PHACTR2: variants seen among roughly 807,000 people sequenced by gnomAD.
The protein encoded by PHACTR2 is phosphatase and actin regulator 2.
In PHACTR2, 30 loss-of-function variants were observed where a neutral mutation model predicts 76.0. The ratio of observed to expected loss-of-function variants is 0.39; its 90% CI spans 0.30 to 0.54. The LOEUF is 0.54. Ranked by LOEUF, PHACTR2 falls within the 20% of genes least tolerant of loss-of-function variation. The probability of loss-of-function intolerance (pLI) is 0.61; values close to 1 mark genes in which losing one functional copy is unlikely to be tolerated. For missense variants in PHACTR2, 696 were observed against 781.1 expected (o/e 0.89, Z 1.30); for synonymous variants, 292 against 292.5 (o/e 1.00, Z 0.02).
chr6:143,644,794 T>C (rs1187169647), intron 1 of PHACTR2, among the ~76,000 whole-genome samples: 2 of 152,060 alleles, frequency 1.3e-5, no homozygotes, highest in African/African-American at 4.8e-5. Context: ...ATGTTTATTT[T>C]TCATTTGCTT....
chr6:143,812,664 C>T (rs1489980032), intron 12 of PHACTR2, among the ~76,000 whole-genome samples: 1 of 152,204 alleles, frequency 6.6e-6, no homozygotes, highest in Non-Finnish European at 1.5e-5. Context: ...CATCCCGTGG[C>T]CCTATAGGTA....
In PHACTR2 at chr6:143,654,336, C is replaced by G. The variant is rs1477392814; in HGVS notation, c.13+46014C>G. On this transcript the variant is annotated intron_variant, in intron 1 of 11. Coordinates refer to the PHACTR2 transcript ENST00000305766. The surrounding 1 kb of genome is among the most constrained non-coding windows in gnomAD (Gnocchi z 4.6). ...TACCATATGAACAGCAATTCTACTT[C>G]TAGGTATATACCCAAAAAAATGAAA... 1.3e-5 allele frequency among the ~76,000 whole-genome samples: 2 copies of G among 152,160 alleles called. No individual in the cohort carries two copies. Among genetic ancestry groups the G allele is most frequent in the Non-Finnish European group, 2.9e-5 (2 of 68,040 alleles).
rs1379011920 is a variant in PHACTR2, at chr6:143,803,022, C to T, written c.1846-4035C>T. 6.6e-6 allele frequency among the ~76,000 whole-genome samples: 1 copy of T among 152,112 alleles called. No homozygotes were observed. The highest frequency in any genetic ancestry group is 2.4e-5 in the African/African-American group (1 of 41,402). Reference sequence around the variant, plus strand: ...CATCATTTCTAATTGTAAGCCAGCACACACAACATGCAGATCTGAAGCAAT... The same window carrying T: ...CATCATTTCTAATTGTAAGCCAGCATACACAACATGCAGATCTGAAGCAAT... On this transcript the variant is annotated intron_variant, in intron 11 of 12. Transcript: ENST00000440869. The surrounding 1 kb of genome is among the most constrained non-coding windows in gnomAD (Gnocchi z 4.7).
chr6:143,591,450 T>C lies in PHACTR2; in HGVS notation c.217+54243T>C, dbSNP rs9321926. On this transcript the variant is annotated intron_variant, in intron 1 of 11. Coordinates refer to the PHACTR2 transcript ENST00000367584. The surrounding 1 kb of genome is among the most constrained non-coding windows in gnomAD (Gnocchi z 6.4). The stretch of plus-strand genomic sequence containing the variant: ...TCAAGTTCCCTGTTCCACAGCTTGT[T>C]ACAGGAGCAGAGAAAGAGCATATGA... Among the ~76,000 whole-genome samples the C allele has an allele frequency of 0.43, 64,533 of 151,616 alleles. 13,997 individuals carry two copies. Among genetic ancestry groups the C allele is most frequent in the African/African-American group, 0.46 (19,094 of 41,286 alleles).
chr6:143,689,271 A>G lies in PHACTR2; in HGVS notation c.46+11062A>G, dbSNP rs948675831. Among the ~76,000 whole-genome samples the G allele has an allele frequency of 1.8e-4, 27 of 152,014 alleles. No individual in the cohort carries two copies. The highest frequency in any genetic ancestry group is 6.3e-4 in the African/African-American group (26 of 41,382). ...ATGATCTTGTTTGTTTGTTTTATTC[A>G]TTGTCTCTCTTTTCTAGAACATAAG... On this transcript the variant is annotated intron_variant, in intron 1 of 12. Coordinates refer to ENST00000440869, the MANE Select transcript of PHACTR2 (RefSeq NM_001100164.2). The surrounding 1 kb of genome is among the most constrained non-coding windows in gnomAD (Gnocchi z 4.4).
chr6:143,658,179 G>A lies in PHACTR2; in HGVS notation c.13+49857G>A, dbSNP rs1050618438. On this transcript the variant is annotated intron_variant, in intron 1 of 11. Transcript: ENST00000305766. This position sits in a 1 kb window ranked among gnomAD's most constrained non-coding sequence, Gnocchi z 4.1. The stretch of plus-strand genomic sequence containing the variant: ...ACAAGTAGAATTTCTGAGTCATAGG[G>A]TAGGTGTATGTTTAACATTACAGAA... Among the ~76,000 whole-genome samples, 3 of 152,166 alleles carry A rather than the reference G, an allele frequency of 2.0e-5. No homozygotes were observed. The highest frequency in any genetic ancestry group is 7.2e-5 in the African/African-American group (3 of 41,434).
chr6:143,712,282 T>A, intron 2 of PHACTR2, 99 bp downstream of exon 2: 6 of 688,776 alleles, frequency 8.7e-6, no homozygotes, highest in Non-Finnish European at 1.3e-5. Context: ...CAGAAAAAAA[T>A]TAATCCGTAT....
chr6:143,563,040 T>C (rs1582672858), intron 1 of PHACTR2, among the ~76,000 whole-genome samples: 1 of 152,196 alleles, frequency 6.6e-6, no homozygotes, highest in East Asian at 1.9e-4. Flanking sequence ...GATGAAAAGT[T>C]CTGGAAACAG....
intron 1 of PHACTR2, among the ~76,000 whole-genome samples, chr6:143,601,777 C>T (rs1032265414): frequency 6.6e-6 from 1 of 152,136 alleles, no homozygotes; most frequent in African/African-American, 2.4e-5. Context: ...GAAATACATT[C>T]CCACGCTTTT....
In PHACTR2 at chr6:143,809,639, A is replaced by G. The variant is rs1418543764; in HGVS notation, c.1922+2506A>G. 1.3e-5 allele frequency among the ~76,000 whole-genome samples: 2 copies of G among 152,142 alleles called. No individual in the cohort carries two copies. The highest frequency in any genetic ancestry group is 2.9e-5 in the Non-Finnish European group (2 of 68,018). ...TTCCCAACCTCATTTCTGTTCTCAC[A>G]GGTATCCACTAGTAAAAGCTTGATG... On this transcript the variant is annotated intron_variant, in intron 12 of 12. Coordinates refer to ENST00000440869, the MANE Select transcript of PHACTR2 (RefSeq NM_001100164.2). The surrounding 1 kb of genome is among the most constrained non-coding windows in gnomAD (Gnocchi z 4.2).
At chr6:143,771,206 A>ATGTGTG (rs1280992474) in intron 6 of PHACTR2, among the ~76,000 whole-genome samples, 1 of 77,120 alleles carries the variant, frequency 1.3e-5, no homozygotes, top group Non-Finnish European at 2.3e-5. Context: ...ATATATATAT[A>ATGTGTG]TATATATATA....
intron 1 of PHACTR2, among the ~76,000 whole-genome samples, chr6:143,567,309 A>G (rs544932218): frequency 3.3e-5 from 5 of 152,258 alleles, no homozygotes; most frequent in East Asian, 1.9e-4. Flanking sequence ...TCTCATTTAG[A>G]GAGAAGAGAC....
In PHACTR2 at chr6:143,784,202, T is replaced by C. The variant is rs1324127391; in HGVS notation, c.1707+922T>C. 6.6e-6 allele frequency among the ~76,000 whole-genome samples: 1 copy of C among 152,224 alleles called. No homozygotes were observed. Among genetic ancestry groups the C allele is most frequent in the African/African-American group, 2.4e-5 (1 of 41,456 alleles). ...CCACATCACAGCTGGGTAAGTAATT[T>C]ATTAAGTGAACTTGATCATCCAGCC... On this transcript the variant is annotated intron_variant, in intron 10 of 12. Transcript: ENST00000440869. This position sits in a 1 kb window ranked among gnomAD's most constrained non-coding sequence, Gnocchi z 4.5.
At position 143,592,687 on chromosome 6, in the gene PHACTR2, C is replaced by T. The variant is rs1224430105; in HGVS notation, c.217+55480C>T. ...AGCATAAATGAATTTCCTACTTAGA[C>T]TTGGGTTCCATCCCCAGTTCATTCC... On this transcript the variant is annotated intron_variant, in intron 1 of 11. Coordinates refer to the PHACTR2 transcript ENST00000367584. The surrounding 1 kb of genome is among the most constrained non-coding windows in gnomAD (Gnocchi z 4.0). 6.6e-6 allele frequency among the ~76,000 whole-genome samples: 1 copy of T among 152,066 alleles called. No homozygotes were observed. Among genetic ancestry groups the T allele is most frequent in the Non-Finnish European group, 1.5e-5 (1 of 68,006 alleles).
rs1776055939 is a variant in PHACTR2 at position 143,616,181 on chromosome 6, A to C, written c.13+7859A>C. ...CAGCTATCTCCCCAAAATTATTTTGAATTTTTTTCACATAAACCAATTTTT... is the reference window on the plus strand; with the variant it reads ...CAGCTATCTCCCCAAAATTATTTTGCATTTTTTTCACATAAACCAATTTTT... On this transcript the variant is annotated intron_variant, in intron 1 of 11. Transcript: ENST00000305766. The surrounding 1 kb of genome is among the most constrained non-coding windows in gnomAD (Gnocchi z 4.9). Among the ~76,000 whole-genome samples the C allele has an allele frequency of 6.6e-6, 1 of 152,142 alleles. No individual in the cohort carries two copies. The highest frequency in any genetic ancestry group is 6.5e-5 in the Admixed American group (1 of 15,276).
chr6:143,725,663 C>T (rs373668130), intron 2 of PHACTR2, among the ~76,000 whole-genome samples: 120 of 151,628 alleles, frequency 7.9e-4, no homozygotes, highest in Middle Eastern at 3.4e-3. Flanking sequence ...GGTGAAACCC[C>T]GTCTCTACGA....
rs968986403 is a variant in PHACTR2, at chr6:143,822,111, T to C, written c.1923-1563T>C. On this transcript the variant is annotated intron_variant, in intron 12 of 12. Coordinates refer to ENST00000440869, the MANE Select transcript of PHACTR2 (RefSeq NM_001100164.2). The surrounding 1 kb of genome is among the most constrained non-coding windows in gnomAD (Gnocchi z 5.5). Reference sequence around the variant, plus strand: ...GTATTTGGAAGCAGTGATAGAGATATAGCTAGAACCATGAGTTGGGCCACT... The same window carrying C: ...GTATTTGGAAGCAGTGATAGAGATACAGCTAGAACCATGAGTTGGGCCACT... Among the ~76,000 whole-genome samples, 7 of 152,306 alleles carry C rather than the reference T, an allele frequency of 4.6e-5. No individual in the cohort carries two copies. The highest frequency in any genetic ancestry group is 1.7e-4 in the African/African-American group (7 of 41,568).
rs569932431 is a variant in PHACTR2, at chr6:143,610,623, G to A, written c.13+2301G>A. 1.8e-3 allele frequency among the ~76,000 whole-genome samples: 279 copies of A among 152,312 alleles called. 1 individual carries two copies. Among genetic ancestry groups the A allele is most frequent in the Non-Finnish European group, 3.0e-3 (204 of 68,022 alleles). On this transcript the variant is annotated intron_variant, in intron 1 of 11. Transcript: ENST00000305766. This position sits in a 1 kb window ranked among gnomAD's most constrained non-coding sequence, Gnocchi z 4.9. ...ATCAGGATATTTGTGCATGGTTTCTGCTGTTAACAAGTAAAGTAAGATGAG... is the reference window on the plus strand; with the variant it reads ...ATCAGGATATTTGTGCATGGTTTCTACTGTTAACAAGTAAAGTAAGATGAG...
In PHACTR2 at chr6:143,694,670, G is replaced by A. The variant is rs117794429; in HGVS notation, c.46+16461G>A. ...AAAATAAGAAAGAAAATGAATAAGC[G>A]TGTTAAAGAAAGATGGTGTTTAAAC... On this transcript the variant is annotated intron_variant, in intron 1 of 12. Transcript: ENST00000440869. 6.7e-4 allele frequency among the ~76,000 whole-genome samples: 102 copies of A among 152,334 alleles called. 2 individuals are homozygous for A. In the East Asian group the frequency reaches 0.017, roughly 26 times the overall value.
Sources: allele counts gnomAD v4.1 joint callset (sites outside exome capture counted in the v4.1 genomes callset), GRCh38; gene constraint gnomAD v4.1.1; non-coding constraint Gnocchi (gnomAD v3.1); transcripts MANE v1.5; gene names NCBI Gene and HGNC (gene_info 2026-07-23, HGNC 2026-07-21).